The following DCP2 variants were observed in gnomAD, a reference collection of about 807,000 sequenced individuals.
The protein encoded by DCP2 is decapping mRNA 2.
DCP2 carries 30 observed loss-of-function variants against 56.1 expected under a neutral mutation model. The ratio of observed to expected loss-of-function variants is 0.53; its 90% CI spans 0.40 to 0.73. The LOEUF is 0.73. DCP2 is among the 30% of genes least tolerant of loss of function. DCP2 has a pLI of 0.00. For synonymous variants in DCP2, 197 were observed against 163.3 expected (o/e 1.21, Z -1.57); for missense variants, 533 against 502.7 (o/e 1.06, Z -0.58).
chr5:113,003,250 A>G (rs147470166), intron 7 of DCP2, among the ~76,000 whole-genome samples: 195 of 152,334 alleles, frequency 1.3e-3, no homozygotes, highest in African/African-American at 4.6e-3. Context: ...CTCAGCCTGC[A>G]TTAGTACAAC....
intron 2 of DCP2, among the ~76,000 whole-genome samples, chr5:112,989,271 T>C (rs1748460201): frequency 6.6e-6 from 1 of 152,216 alleles, no homozygotes; most frequent in Non-Finnish European, 1.5e-5. Flanking sequence ...GTTATTTAAA[T>C]CATCTTAGAT....
intron 1 of DCP2, 110 bp from the exon 2 acceptor site, chr5:112,985,725 T>G (rs2150170757): frequency 3.2e-6 from 4 of 1,259,052 alleles, no homozygotes; most frequent in East Asian, 2.4e-5. Context: ...ACAGTACTGC[T>G]CTTGGTCCCT....
chr5:112,999,924 G>C (rs916161418), intron 4 of DCP2, among the ~76,000 whole-genome samples: 1 of 151,862 alleles, frequency 6.6e-6, no homozygotes, highest in Admixed American at 6.5e-5. Context: ...AGCTGGGCAT[G>C]GTGACAGGCA....
chr5:112,978,309 C>T (rs921625113), intron 1 of DCP2, among the ~76,000 whole-genome samples: 1 of 152,192 alleles, frequency 6.6e-6, no homozygotes, highest in East Asian at 1.9e-4. Context: ...ACTACCTTTA[C>T]ATGTATTGTT....
At position 113,020,341 on chromosome 5, in the gene DCP2, A is replaced by AT. The variant is rs1750057824; in HGVS notation, c.*6858dup. The AT allele has an allele frequency of 6.8e-6, 1 of 147,080 alleles. No homozygotes were observed. The highest frequency in any genetic ancestry group is 2.5e-5 in the African/African-American group (1 of 40,748). The allele number at this position is 147,080 out of a possible 1,614,324, so 9.1% of individuals were successfully genotyped here. A position where few individuals can be genotyped will look rare whatever the true frequency, so the allele number is the denominator to read the frequency against. On this transcript the variant is annotated 3_prime_UTR_variant, in exon 11 of 11. Coordinates refer to ENST00000389063, the MANE Select transcript of DCP2 (RefSeq NM_152624.6). ...TTATAGCAATGTTTTGTTTTACCTTATAGGGCATTTTAATGCTTGGAGAAA... is the reference window on the plus strand; with the variant it reads ...TTATAGCAATGTTTTGTTTTACCTTATTAGGGCATTTTAATGCTTGGAGAAA...
intron 7 of DCP2, among the ~76,000 whole-genome samples, chr5:113,003,391 A>G (rs1032483574): frequency 1.3e-5 from 2 of 152,032 alleles, no homozygotes; most frequent in Admixed American, 6.6e-5. Context: ...TTCAGCTAGG[A>G]TGTGGTCTGT....
In DCP2 at chr5:113,021,899, A is replaced by AACTAAAGCC. The variant is rs1750161551; in HGVS notation, c.*8416_*8417insCTAAAGCCA. On this transcript the variant is annotated 3_prime_UTR_variant, in exon 11 of 11. Coordinates refer to ENST00000389063, the MANE Select transcript of DCP2 (RefSeq NM_152624.6). ...CAATAGATAACTTCCTATTTATGCC[A>AACTAAAGCC]AATTTTAAAAAGCCAACTAAAAATG... 6.6e-6 allele frequency among the ~76,000 whole-genome samples: 1 copy of AACTAAAGCC among 152,238 alleles called. No homozygotes were observed. The highest frequency in any genetic ancestry group is 1.5e-5 in the Non-Finnish European group (1 of 68,036).
chr5:113,002,345 C>T lies in DCP2; in HGVS notation c.806+671C>T, dbSNP rs373847259. ...GGCTGAGGCAGGAGAATGGCTTAAA[C>T]CTGGGAGGCGGAGGTTTCAGTGGGC... On this transcript the variant is annotated intron_variant, in intron 7 of 10. Transcript: ENST00000389063. Among the ~76,000 whole-genome samples, 7 of 151,628 alleles carry T rather than the reference C, an allele frequency of 4.6e-5. No homozygotes were observed. The East Asian group carries it at 1.4e-3, about 30-fold the overall frequency.
intron 2 of DCP2, among the ~76,000 whole-genome samples, chr5:112,987,825 T>G (rs1748372749): frequency 6.6e-6 from 1 of 151,584 alleles, no homozygotes; most frequent in Admixed American, 6.6e-5. Flanking sequence ...TGAGATAAGG[T>G]CTTGCCTTGT....
rs374024550 is a variant in DCP2, at chr5:112,989,428, CA to C, written c.206-2680del. Among the ~76,000 whole-genome samples the C allele has an allele frequency of 9.6e-3, 1,291 of 134,590 alleles. 5 individuals carry two copies. The highest frequency in any genetic ancestry group is 0.012 in the Non-Finnish European group (720 of 61,570). The allele number at this position is 134,590 out of a possible 152,430, so 88.3% of individuals were successfully genotyped here. A position where few individuals can be genotyped will look rare whatever the true frequency, so the allele number is the denominator to read the frequency against. On this transcript the variant is annotated intron_variant, in intron 2 of 10. Coordinates refer to ENST00000389063, the MANE Select transcript of DCP2 (RefSeq NM_152624.6). ...ATGTAATAAATGTTAACTATTACTCCAAAAAAAAAAAAAGATTTGGGAGCTA... is the reference window on the plus strand; with the variant it reads ...ATGTAATAAATGTTAACTATTACTCCAAAAAAAAAAAAGATTTGGGAGCTA...
chr5:113,007,368 G>A (rs1029744604), intron 8 of DCP2, among the ~76,000 whole-genome samples: 5 of 145,756 alleles, frequency 3.4e-5, no homozygotes, highest in African/African-American at 1.3e-4. Context: ...GGCAAGAGGT[G>A]TGGAAAGATT....
At chr5:112,984,701 A>ATATATATATATATAT (rs1181496332) in intron 1 of DCP2, 33 of 79,540 alleles carry the variant, frequency 4.1e-4, no homozygotes, top group East Asian at 1.1e-3. Context: ...AAAAAAAAAA[A>ATATATATATATATAT]AAATATATAT....
intron 1 of DCP2, among the ~76,000 whole-genome samples, chr5:112,980,794 T>C (rs1747969997): frequency 6.6e-6 from 1 of 152,198 alleles, no homozygotes; most frequent in Non-Finnish European, 1.5e-5. Context: ...TGTTGAGGCA[T>C]TGACTTTTAC....
At chr5:112,982,705 A>C (rs1748068608) in intron 1 of DCP2, among the ~76,000 whole-genome samples, 2 of 152,214 alleles carry the variant, frequency 1.3e-5, no homozygotes, top group African/African-American at 4.8e-5. Context: ...AAAGAAAAAT[A>C]CAGTTGCTCT....
chr5:113,005,033 G>A (rs1749352385), intron 8 of DCP2, among the ~76,000 whole-genome samples: 1 of 151,982 alleles, frequency 6.6e-6, no homozygotes, highest in Non-Finnish European at 1.5e-5. Flanking sequence ...AGAGCCCGAG[G>A]CAGGAGAATT....
At chr5:113,007,400 CT>C (rs869106469) in intron 8 of DCP2, among the ~76,000 whole-genome samples, 45 of 48,954 alleles carry the variant, frequency 9.2e-4, no homozygotes, top group Non-Finnish European at 5.8e-4. Flanking sequence ...TTCTTTCTTT[CT>C]TTTTTTTTTT....
intron 4 of DCP2, among the ~76,000 whole-genome samples, chr5:113,000,551 C>T (rs943756977): frequency 2.6e-5 from 4 of 152,050 alleles, no homozygotes; most frequent in African/African-American, 7.2e-5. Context: ...TAAATCCAAG[C>T]CATCGAGATT....
In DCP2 at chr5:113,013,384, C is replaced by T. The variant is rs551417149; in HGVS notation, c.1163C>T (p.Pro388Leu). The T allele has an allele frequency of 1.9e-6, 3 of 1,614,148 alleles. No individual in the cohort carries two copies. In the African/African-American group the frequency reaches 4.0e-5, roughly 22 times the overall value. ...TTGCTAGAACATGCTGAGGGACAGCCCGTGGCATGTAATGGACATTGCAAG... is the reference window on the plus strand; with the variant it reads ...TTGCTAGAACATGCTGAGGGACAGCTCGTGGCATGTAATGGACATTGCAAG... ...DQLLEHAEGQ[P>L]VACNGHCKFP... The change falls in exon 11 of 11, where the codon CCC becomes CTC. Residue 388 changes from proline to leucine, a missense_variant. Pro to Leu is a moderately conservative substitution (Grantham distance 98). Transcript: ENST00000389063.
Position 113,018,719 on chromosome 5 carries a change from A to T in DCP2, c.*5235A>T, listed in dbSNP as rs982737835. The T allele has an allele frequency of 3.3e-5, 5 of 151,084 alleles. No homozygotes were observed. The highest frequency in any genetic ancestry group is 1.2e-4 in the African/African-American group (5 of 41,112). 9.4% of individuals were successfully genotyped at this position (151,084 alleles called of 1,614,324 possible). ...CCATTTGAAGACCTGTTGTTTCTTA[A>T]TCCTTTTTCTTGGTGTGACTGGCCA... On this transcript the variant is annotated 3_prime_UTR_variant, in exon 11 of 11. Coordinates refer to ENST00000389063, the MANE Select transcript of DCP2 (RefSeq NM_152624.6).
Sources: allele counts gnomAD v4.1 joint callset (sites outside exome capture counted in the v4.1 genomes callset), GRCh38; gene constraint gnomAD v4.1.1; transcripts MANE v1.5; gene names NCBI Gene and HGNC (gene_info 2026-07-23, HGNC 2026-07-21).